The following MARCHF1 variants were observed in gnomAD, a reference collection of about 807,000 sequenced individuals.
MARCHF1 encodes the protein E3 ubiquitin-protein ligase MARCHF1.
MARCHF1 carries 40 observed loss-of-function variants against 54.2 expected under a neutral mutation model. The observed-to-expected ratio is 0.74, with a 90% CI of 0.57 to 0.96. The LOEUF is 0.96. MARCHF1 is among the 40% of genes least tolerant of loss of function. The probability of loss-of-function intolerance (pLI) is 0.00; values close to 1 mark genes in which losing one functional copy is unlikely to be tolerated. For missense variants in MARCHF1, 586 were observed against 656.5 expected, an observed-to-expected ratio of 0.89 and a Z score of 1.17; for synonymous variants, 236 against 236.3, an observed-to-expected ratio of 1.00 and a Z score of 0.01.
intron 1 of MARCHF1, among the ~76,000 whole-genome samples, chr4:164,204,709 C>G (rs140812164): frequency 4.8e-4 from 73 of 152,262 alleles, no homozygotes; most frequent in African/African-American, 1.7e-3. Context: ...ATGGTTGAGG[C>G]TGTGAAAAGA....
At chr4:164,124,511 A>G (rs927772697) in intron 1 of MARCHF1, among the ~76,000 whole-genome samples, 1 of 152,204 alleles carries the variant, frequency 6.6e-6, no homozygotes, top group Non-Finnish European at 1.5e-5. Flanking sequence ...AATAGCTAAG[A>G]TTCTGAAGCA....
chr4:164,054,609 T>G (rs1239946441), intron 2 of MARCHF1, among the ~76,000 whole-genome samples: 1 of 151,960 alleles, frequency 6.6e-6, no homozygotes, highest in Non-Finnish European at 1.5e-5. Flanking sequence ...ATAAAAATGA[T>G]GAGTTCATGT....
At chr4:163,907,964 C>T (rs1020839722) in intron 3 of MARCHF1, among the ~76,000 whole-genome samples, 1 of 152,014 alleles carries the variant, frequency 6.6e-6, no homozygotes, top group East Asian at 1.9e-4. Context: ...TTATTGCACC[C>T]CTCTAAAAGT....
At chr4:163,575,804 T>C (rs767775243) in intron 8 of MARCHF1, among the ~76,000 whole-genome samples, 3 of 152,100 alleles carry the variant, frequency 2.0e-5, no homozygotes, top group Non-Finnish European at 4.4e-5. Flanking sequence ...ATTTATCTTT[T>C]ACCTCTAGAT....
intron 8 of MARCHF1, among the ~76,000 whole-genome samples, chr4:163,573,328 A>G (rs1333023515): frequency 7.0e-6 from 1 of 142,042 alleles, no homozygotes; most frequent in Non-Finnish European, 1.5e-5. Flanking sequence ...TATTATTATT[A>G]TACTTTAAGT....
At chr4:163,790,097 T>C (rs191701743) in intron 4 of MARCHF1, among the ~76,000 whole-genome samples, 1 of 152,236 alleles carries the variant, frequency 6.6e-6, no homozygotes, top group African/African-American at 2.4e-5. Context: ...TATAGATTTC[T>C]TTGTAGCACT....
intron 9 of MARCHF1, among the ~76,000 whole-genome samples, chr4:163,538,952 G>A (rs1271172760): frequency 1.3e-5 from 2 of 152,096 alleles, no homozygotes; most frequent in East Asian, 3.9e-4. Flanking sequence ...CAACTCATTC[G>A]GAAACTTTAA....
intron 1 of MARCHF1, among the ~76,000 whole-genome samples, chr4:164,299,958 T>C (rs1260633380): frequency 6.6e-6 from 1 of 152,222 alleles, no homozygotes; most frequent in Admixed American, 6.5e-5. Context: ...ACTAATTATC[T>C]AGCAGAATTC....
At chr4:163,644,688 G>A (rs1050157999) in intron 5 of MARCHF1, among the ~76,000 whole-genome samples, 1 of 152,158 alleles carries the variant, frequency 6.6e-6, no homozygotes, top group African/African-American at 2.4e-5. Flanking sequence ...TTATACAGCA[G>A]ATCCCGAAAA....
chr4:163,725,056 T>C (rs752621360), intron 4 of MARCHF1, among the ~76,000 whole-genome samples: 1 of 152,086 alleles, frequency 6.6e-6, no homozygotes, highest in Non-Finnish European at 1.5e-5. Flanking sequence ...ATGAACCCAG[T>C]ACCTCAGTTG....
intron 7 of MARCHF1, among the ~76,000 whole-genome samples, chr4:163,601,501 A>C (rs146035387): frequency 1.2e-4 from 18 of 152,098 alleles, no homozygotes; most frequent in Non-Finnish European, 2.4e-4. Context: ...TTCTGGACAC[A>C]TATTGTTCTT....
At chr4:163,875,346 C>A (rs533985986) in intron 3 of MARCHF1, among the ~76,000 whole-genome samples, 2 of 152,006 alleles carry the variant, frequency 1.3e-5, no homozygotes, top group East Asian at 1.9e-4. Context: ...AAAAGGTCAT[C>A]GATGTGAAAA....
chr4:163,907,863 G>A (rs1221087949), intron 3 of MARCHF1, among the ~76,000 whole-genome samples: 1 of 152,024 alleles, frequency 6.6e-6, no homozygotes, highest in East Asian at 1.9e-4. Flanking sequence ...AGAGTTCCTG[G>A]CACATGACTC....
Position 164,276,721 on chromosome 4 carries a change from TTAGA to T in MARCHF1, c.-323+107145_-323+107148del, listed in dbSNP as rs568908703. Among the ~76,000 whole-genome samples, 17 of 150,812 alleles carry T rather than the reference TTAGA, an allele frequency of 1.1e-4. No homozygotes were observed. The East Asian group carries it at 2.1e-3, about 19-fold the overall frequency. ...GAAAAAGTTCATACATTGAAAAATT[TTAGA>T]TAAATATCAAACTTTCTCTGAAACT... On this transcript the variant is annotated intron_variant, in intron 1 of 9. Transcript: ENST00000514618.
At chr4:164,345,631 A>C (rs1443285557) in intron 1 of MARCHF1, among the ~76,000 whole-genome samples, 1 of 150,596 alleles carries the variant, frequency 6.6e-6, no homozygotes, top group African/African-American at 2.4e-5. Context: ...AAAAGCATAA[A>C]ATTTAAAACT....
At chr4:163,854,715 A>T (rs909300792) in intron 3 of MARCHF1, among the ~76,000 whole-genome samples, 4 of 152,202 alleles carry the variant, frequency 2.6e-5, no homozygotes, top group African/African-American at 4.8e-5. Context: ...AATTAAGTAT[A>T]TGACATCTAT....
At chr4:163,814,287 G>T (rs1179733263) in intron 4 of MARCHF1, among the ~76,000 whole-genome samples, 1 of 152,062 alleles carries the variant, frequency 6.6e-6, no homozygotes, top group Non-Finnish European at 1.5e-5. Context: ...TACTCAGGTT[G>T]GTCCCCTGGA....
chr4:163,583,665 T>TTTTTTTTTG (rs1740310553), intron 8 of MARCHF1: 1 of 149,556 alleles, frequency 6.7e-6, no homozygotes, highest in African/African-American at 2.5e-5. Flanking sequence ...TTTTTTTTTT[T>TTTTTTTTTG]TGGAGACAAA....
At chr4:163,564,058 G>A (rs1046582134) in intron 8 of MARCHF1, among the ~76,000 whole-genome samples, 6 of 152,250 alleles carry the variant, frequency 3.9e-5, no homozygotes, top group Admixed American at 1.3e-4. Context: ...TACGGGACCT[G>A]GAGTACACAT....
Sources: gnomAD v4.1 joint callset for allele counts (sites outside exome capture counted in the v4.1 genomes callset) on GRCh38, gnomAD v4.1.1 for gene constraint, MANE v1.5 for transcripts, NCBI Gene and HGNC (gene_info 2026-07-23, HGNC 2026-07-21) for gene names.